Variants in UGT2A1 observed in about 807,000 individuals in gnomAD.
UGT2A1 encodes UDP-glucuronosyltransferase 2A1.
A neutral mutation model predicts 45.4 loss-of-function variants in UGT2A1; 61 were observed. The observed-to-expected ratio is 1.34, with a 90% CI of 1.09 to 1.66. The LOEUF (loss-of-function observed/expected upper bound fraction) is 1.66. Ranked by LOEUF, UGT2A1 falls within the 40% of genes most tolerant of loss-of-function variation. UGT2A1 has a pLI of 0.00. For missense variants in UGT2A1, 649 were observed against 574.3 expected (o/e 1.13, Z -1.33); for synonymous variants, 229 against 196.2 (o/e 1.17, Z -1.40).
chr4:69,589,173 C>T lies in UGT2A1; in HGVS notation c.*199G>A. ...GGAGAGACAAAGGAAAAATAGAAGA[C>T]TATAACTCACAAGTTAATAATAATC... On this transcript the variant is annotated 3_prime_UTR_variant, in exon 7 of 7. Transcript: ENST00000286604. 1.6e-6 allele frequency: 1 copy of T among 630,556 alleles called. No homozygotes were observed. Among genetic ancestry groups the T allele is most frequent in the East Asian group, 3.3e-5 (1 of 30,100 alleles). 39.1% of individuals were successfully genotyped at this position (630,556 alleles called of 1,614,324 possible).
intron 3 of UGT2A1, among the ~76,000 whole-genome samples, chr4:69,633,168 T>C (rs566829281): frequency 2.3e-4 from 35 of 152,302 alleles, no homozygotes; most frequent in African/African-American, 7.5e-4. Flanking sequence ...CAGAGAATGA[T>C]TGATGTGTTA....
intron 6 of UGT2A1, among the ~76,000 whole-genome samples, chr4:69,593,393 A>G (rs2109877186): frequency 6.6e-6 from 1 of 152,150 alleles, no homozygotes; most frequent in East Asian, 1.9e-4. Flanking sequence ...GATACATTTC[A>G]AAGCAGGAGT....
Position 69,606,600 on chromosome 4 carries a change from G to T in UGT2A1, c.848-7206C>A, listed in dbSNP as rs1425455029. On this transcript the variant is annotated intron_variant, in intron 3 of 6. Transcript: ENST00000286604. ...CAATCAGGCAGGAGAAGGAAATAAAGGGTATTCAATTAGGAAAGAGGAAGT... is the reference window on the plus strand; with the variant it reads ...CAATCAGGCAGGAGAAGGAAATAAATGGTATTCAATTAGGAAAGAGGAAGT... 1.5e-4 allele frequency among the ~76,000 whole-genome samples: 21 copies of T among 136,290 alleles called. 1 individual carries two copies. The highest frequency in any genetic ancestry group is 1.2e-4 in the Non-Finnish European group (8 of 64,182). 89.4% of individuals were successfully genotyped at this position (136,290 alleles called of 152,430 possible). A position where few individuals can be genotyped will look rare whatever the true frequency, so the allele number is the denominator to read the frequency against.
intron 3 of UGT2A1, among the ~76,000 whole-genome samples, chr4:69,625,744 TA>T (rs1283363701): frequency 6.6e-6 from 1 of 151,478 alleles, no homozygotes; most frequent in Non-Finnish European, 1.5e-5. Context: ...GAGCAACTGC[TA>T]AAAAGTCTAA....
At chr4:69,639,748 T>C (rs1161275573) in intron 2 of UGT2A1, 5 of 1,068,524 alleles carry the variant, frequency 4.7e-6, no homozygotes, top group Non-Finnish European at 5.1e-6. Context: ...CGTAGGTCAA[T>C]TGATCTTTAG....
At chr4:69,642,801 G>T (rs1220042462) in intron 2 of UGT2A1, among the ~76,000 whole-genome samples, 2 of 151,378 alleles carry the variant, frequency 1.3e-5, no homozygotes, top group Non-Finnish European at 3.0e-5. Context: ...AATATATAGA[G>T]ATTATTCACA....
chr4:69,600,399 G>T (rs1213611650), intron 3 of UGT2A1, among the ~76,000 whole-genome samples: 1 of 152,172 alleles, frequency 6.6e-6, no homozygotes, highest in Admixed American at 6.5e-5. Flanking sequence ...GTGGTCACAG[G>T]TTGAGAGAGC....
rs143811099 is a variant in UGT2A1, at chr4:69,638,305, G to T, written c.716-2483C>A. ...CAACCAATCAGGACTGGCCTTGATGGTTAACATTATTGTGTTTGATTCTCA... is the reference window on the plus strand; with the variant it reads ...CAACCAATCAGGACTGGCCTTGATGTTTAACATTATTGTGTTTGATTCTCA... On this transcript the variant is annotated intron_variant, in intron 2 of 6. Transcript: ENST00000286604. 9.2e-5 allele frequency among the ~76,000 whole-genome samples: 14 copies of T among 152,204 alleles called. No individual in the cohort carries two copies. The East Asian group carries it at 2.7e-3, about 29-fold the overall frequency.
intron 3 of UGT2A1, among the ~76,000 whole-genome samples, chr4:69,614,511 C>G (rs1401067197): frequency 6.6e-6 from 1 of 151,660 alleles, no homozygotes; most frequent in African/African-American, 2.4e-5. Flanking sequence ...CCAGAATAGC[C>G]AAAGCTATTC....
In UGT2A1 at chr4:69,594,458, T is replaced by C. The variant is rs184880860; in HGVS notation, c.1304+19A>G. On this transcript the variant is annotated intron_variant, in intron 6 of 6. Coordinates refer to ENST00000286604, the MANE Select transcript of UGT2A1 (RefSeq NM_001252275.3). ...ATGTAATTAAAGTTAGGCAAGTTTT[T>C]AGGAGCCTTAGTACTTACGAAGGTT... 448 of 1,608,762 alleles carry C rather than the reference T, an allele frequency of 2.8e-4. 2 individuals are homozygous for C. In the East Asian group the frequency reaches 6.4e-3, roughly 23 times the overall value.
At chr4:69,651,080 C>A (rs911345179) in intron 1 of UGT2A1, among the ~76,000 whole-genome samples, 2 of 152,144 alleles carry the variant, frequency 1.3e-5, no homozygotes, top group Non-Finnish European at 2.9e-5. Flanking sequence ...GCTGATACAG[C>A]ATAAATACCT....
chr4:69,612,336 T>C (rs998392234), intron 3 of UGT2A1, among the ~76,000 whole-genome samples: 1 of 151,996 alleles, frequency 6.6e-6, no homozygotes, highest in African/African-American at 2.4e-5. Flanking sequence ...CCCAAAGTAA[T>C]TTACACATTC....
In UGT2A1 at chr4:69,592,844, A is replaced by AT. The variant is rs1401168740; in HGVS notation, c.1304+1632dup. Among the ~76,000 whole-genome samples, 4 of 152,206 alleles carry AT rather than the reference A, an allele frequency of 2.6e-5. No individual in the cohort carries two copies. In the South Asian group the frequency reaches 8.3e-4, roughly 32 times the overall value. ...AATTTCTGAAAAGAAAAACTGGATA[A>AT]TTTTTTATCTTAGATTAACATTGTT... On this transcript the variant is annotated intron_variant, in intron 6 of 6. Transcript: ENST00000286604.
At chr4:69,612,272 T>C (rs1720109364) in intron 3 of UGT2A1, among the ~76,000 whole-genome samples, 1 of 151,954 alleles carries the variant, frequency 6.6e-6, no homozygotes, top group Non-Finnish European at 1.5e-5. Context: ...CTATCGTGAG[T>C]TGGAAGATAG....
chr4:69,634,211 C>T (rs1185296411), intron 3 of UGT2A1, among the ~76,000 whole-genome samples: 2 of 152,192 alleles, frequency 1.3e-5, no homozygotes, highest in African/African-American at 4.8e-5. Flanking sequence ...CGCCACTGCA[C>T]TCCAGCCTGA....
intron 3 of UGT2A1, among the ~76,000 whole-genome samples, chr4:69,622,722 T>C (rs1720821858): frequency 6.6e-6 from 1 of 151,744 alleles, no homozygotes; most frequent in African/African-American, 2.4e-5. Flanking sequence ...GTCTAGGCAA[T>C]GTGATGCTGC....
rs747248663 is a variant in UGT2A1, at chr4:69,647,038, G to A, written c.607C>T (p.Gln203Ter). The change falls in exon 2 of 7, where the codon CAA becomes TAA. Residue 203 changes from glutamine (Q) to a stop codon, truncating the protein, a stop_gained. Coordinates refer to ENST00000286604, the MANE Select transcript of UGT2A1 (RefSeq NM_001252275.3). LOFTEE classifies it high-confidence loss of function. ...CTTATTCTGTCAGTGAAAGACATTT[G>A]GTCGGTGAGTTCTGATAAAACAGCA... The part of the protein sequence containing the change: ...VPAVLSELTD[Q>*]MSFTDRIRNF... 6.2e-7 allele frequency: 1 copy of A among 1,612,816 alleles called. No homozygotes were observed. The highest frequency in any genetic ancestry group is 1.3e-5 in the African/African-American group (1 of 74,954).
intron 2 of UGT2A1, chr4:69,639,720 G>A: frequency 1.5e-6 from 2 of 1,363,660 alleles, no homozygotes; most frequent in Non-Finnish European, 1.9e-6. Flanking sequence ...AATATTTAGT[G>A]CGATGGTTAC....
chr4:69,608,478 A>T (rs1719818916), intron 3 of UGT2A1, among the ~76,000 whole-genome samples: 1 of 152,006 alleles, frequency 6.6e-6, no homozygotes, highest in South Asian at 2.1e-4. Flanking sequence ...TTAAATGATG[A>T]GTTAATGGAT....
Sources: gnomAD v4.1 joint callset for allele counts (sites outside exome capture counted in the v4.1 genomes callset) on GRCh38, gnomAD v4.1.1 for gene constraint, MANE v1.5 for transcripts, NCBI Gene and HGNC (gene_info 2026-07-23, HGNC 2026-07-21) for gene names.